The following MYOM2 variants were observed in gnomAD, a reference collection of about 807,000 sequenced individuals.
MYOM2 encodes myomesin-2.
In MYOM2, 254 loss-of-function variants were observed where a neutral mutation model predicts 187.6. The observed-to-expected ratio is 1.35, with a 90% confidence interval of 1.22 to 1.50. The LOEUF is 1.50. Among genes scored for constraint, MYOM2 ranks in the 40% most tolerant of loss-of-function variants. The pLI is 0.00. For missense variants in MYOM2, 2,796 were observed against 1,924.0 expected (o/e 1.45, Z -8.48); for synonymous variants, 981 against 753.8 (o/e 1.30, Z -4.94).
intron 25 of MYOM2, among the ~76,000 whole-genome samples, chr8:2,112,287 C>G (rs1271644766): frequency 6.6e-6 from 1 of 151,872 alleles, no homozygotes; most frequent in African/African-American, 2.4e-5. Context: ...ACAGTAAACA[C>G]TCTCAGAATT....
At chr8:2,135,514 C>A (rs1798037759) in intron 32 of MYOM2, among the ~76,000 whole-genome samples, 1 of 152,152 alleles carries the variant, frequency 6.6e-6, no homozygotes, top group African/African-American at 2.4e-5. Context: ...CCCTGCTCAC[C>A]TGCCCCCGCC....
At chr8:2,057,912 T>C (rs1191420240) in intron 5 of MYOM2, 132 bp downstream of exon 5, 4 of 904,180 alleles carry the variant, frequency 4.4e-6, no homozygotes, top group Non-Finnish European at 6.4e-6. Context: ...AGCAGAAATA[T>C]GTTTATAGAA....
chr8:2,060,448 G>T (rs1292006323), intron 6 of MYOM2, among the ~76,000 whole-genome samples: 2 of 152,180 alleles, frequency 1.3e-5, no homozygotes, highest in Admixed American at 6.5e-5. Flanking sequence ...TGTGGGGTGT[G>T]TGTGCTTGTG....
In MYOM2 at chr8:2,129,202, C is replaced by T. The variant is rs774789499; in HGVS notation, c.3770C>T (p.Thr1257Ile). ...CTTCAGTGTTTCATGAAGTATTTTACAGACGAAATGAAAGTGAACTGGTGT... is the reference window on the plus strand; with the variant it reads ...CTTCAGTGTTTCATGAAGTATTTTATAGACGAAATGAAAGTGAACTGGTGT... ...IRLQCFMKYFTDEMKVNWCHK... is the reference protein window; with the variant it reads ...IRLQCFMKYFIDEMKVNWCHK... The change falls in exon 32 of 37, where the codon ACA (threonine) becomes ATA (isoleucine). Residue 1257 changes from threonine to isoleucine, a missense_variant. Physicochemically the swap from Thr to Ile is moderately conservative, Grantham distance 89. Coordinates refer to ENST00000262113, the MANE Select transcript of MYOM2 (RefSeq NM_003970.4). 6.2e-6 allele frequency: 10 copies of T among 1,611,272 alleles called. No homozygotes were observed. In the East Asian group the frequency reaches 2.0e-4, roughly 32 times the overall value.
Position 2,072,400 on chromosome 8 carries a change from G to C in MYOM2, c.849G>C (p.Lys283Asn). The change falls in exon 9 of 37, where the codon AAG becomes AAC. Residue 283 changes from lysine (K) to asparagine (N), a missense_variant. Coordinates refer to ENST00000262113, the MANE Select transcript of MYOM2 (RefSeq NM_003970.4). ...ACTTCGACGTCCAGTTTTTGGAGAA[G>C]TTTGGGGTCACCTTCAGGAGGGAAG... is the stretch of plus-strand genomic sequence containing the variant. ...YTHFDVQFLE[K>N]FGVTFRREGE... The C allele has an allele frequency of 6.2e-7, 1 of 1,614,188 alleles. No homozygotes were observed. Among genetic ancestry groups the C allele is most frequent in the Middle Eastern group, 1.6e-4 (1 of 6,062 alleles).
At chr8:2,144,286 G>C (rs1798378909) in intron 36 of MYOM2, among the ~76,000 whole-genome samples, 1 of 151,656 alleles carries the variant, frequency 6.6e-6, no homozygotes, top group Admixed American at 6.5e-5. Context: ...AGAGGAACTG[G>C]TAAGAGGGAT....
chr8:2,045,199 AT>A (rs1205692917), intron 1 of MYOM2, 31 bp downstream of exon 1: 4 of 152,092 alleles, frequency 2.6e-5, no homozygotes, highest in African/African-American at 7.3e-5. Flanking sequence ...GCCTTTTCTA[AT>A]TTGTGGCTTT....
intron 28 of MYOM2, among the ~76,000 whole-genome samples, chr8:2,122,795 T>C (rs1015051250): frequency 3.9e-5 from 6 of 152,186 alleles, no homozygotes; most frequent in Admixed American, 1.3e-4. Flanking sequence ...CTAGTGAGCA[T>C]TTTTGTGTTA....
chr8:2,096,095 T>C, intron 17 of MYOM2, 152 bp from the exon 18 acceptor site: 2 of 676,978 alleles, frequency 3.0e-6, no homozygotes, highest in Non-Finnish European at 5.1e-6. Flanking sequence ...ACCAAGGTGG[T>C]TAAGTGTGGG....
chr8:2,106,538 A>C lies in MYOM2; in HGVS notation c.2939A>C (p.Tyr980Ser). 6.2e-7 allele frequency: 1 copy of C among 1,612,394 alleles called. No individual in the cohort carries two copies. Among genetic ancestry groups the C allele is most frequent in the Non-Finnish European group, 8.5e-7 (1 of 1,178,536 alleles). ...KNPDKEDLGT[Y>S]SVSVSDTDGV... ...CCGGATAAGGAGGATTTAGGGACTT[A>C]CTCCGTGTCTGTAAGTGATACAGAC... is the stretch of plus-strand genomic sequence containing the variant. The change falls in exon 23 of 37, where the codon TAC becomes TCC. Residue 980 changes from tyrosine to serine, a missense_variant. By Grantham distance (144) the Tyr-to-Ser change is moderately radical. Coordinates refer to ENST00000262113, the MANE Select transcript of MYOM2 (RefSeq NM_003970.4).
intron 6 of MYOM2, among the ~76,000 whole-genome samples, chr8:2,061,858 C>G (rs1225647097): frequency 6.6e-6 from 1 of 152,232 alleles, no homozygotes; most frequent in Non-Finnish European, 1.5e-5. Context: ...TGGTGCTATC[C>G]TGGATGTTCG....
chr8:2,117,384 T>C (rs2116840543), intron 27 of MYOM2, among the ~76,000 whole-genome samples: 1 of 152,352 alleles, frequency 6.6e-6, no homozygotes, highest in Admixed American at 6.5e-5. Flanking sequence ...TAAAAACATA[T>C]ATAAACCTGT....
chr8:2,105,996 C>T (rs1411253979), intron 21 of MYOM2, among the ~76,000 whole-genome samples: 1 of 152,166 alleles, frequency 6.6e-6, no homozygotes, highest in Admixed American at 6.5e-5. Context: ...GAGTGAGTGC[C>T]AGCAGGGGGA....
At chr8:2,094,220 A>C in intron 17 of MYOM2, 129 bp downstream of exon 17, 2 of 1,236,020 alleles carry the variant, frequency 1.6e-6, no homozygotes, top group African/African-American at 1.5e-5. Flanking sequence ...TGAACAGAGA[A>C]CTTGAGTTTC....
At chr8:2,068,751 C>G (rs916770192) in intron 6 of MYOM2, among the ~76,000 whole-genome samples, 1 of 152,214 alleles carries the variant, frequency 6.6e-6, no homozygotes, top group Non-Finnish European at 1.5e-5. Flanking sequence ...ACGGCTCCTG[C>G]ATGGAATGGA....
At chr8:2,099,026 C>T (rs780464441) in intron 19 of MYOM2, 43 bp downstream of exon 19, 24 of 1,557,708 alleles carry the variant, frequency 1.5e-5, no homozygotes, top group Non-Finnish European at 1.8e-5. Flanking sequence ...AGCGCACAGG[C>T]TGGCTGGGAA....
chr8:2,100,545 C>G, intron 19 of MYOM2: 1 of 287,818 alleles, frequency 3.5e-6, no homozygotes, highest in Non-Finnish European at 6.7e-6. Context: ...TGTCCAGCCC[C>G]GTGGAGGGTA....
chr8:2,109,259 T>C, intron 24 of MYOM2, 136 bp from the exon 25 acceptor site: 1 of 1,030,668 alleles, frequency 9.7e-7, no homozygotes, highest in Non-Finnish European at 1.4e-6. Flanking sequence ...ATTTTTAGCT[T>C]CCATAATCTA....
intron 32 of MYOM2, among the ~76,000 whole-genome samples, chr8:2,136,104 G>C (rs1798059902): frequency 6.6e-6 from 1 of 152,350 alleles, no homozygotes; most frequent in Admixed American, 6.5e-5. Flanking sequence ...AACAGAATTA[G>C]AACCCAGTCC....
Sources: gnomAD v4.1 joint callset for allele counts (sites outside exome capture counted in the v4.1 genomes callset) on GRCh38, gnomAD v4.1.1 for gene constraint, MANE v1.5 for transcripts, NCBI Gene and HGNC (gene_info 2026-07-23, HGNC 2026-07-21) for gene names.